LDLRAD4: variants seen among roughly 807,000 people sequenced by gnomAD.
LDLRAD4 encodes the protein low-density lipoprotein receptor class A domain-containing protein 4.
A neutral mutation model predicts 17.0 loss-of-function variants in LDLRAD4; 5 were observed. The ratio of observed to expected loss-of-function variants is 0.29; its 90% CI spans 0.15 to 0.62. The LOEUF is 0.62. Ranked by LOEUF, LDLRAD4 falls within the 20% of genes least tolerant of loss-of-function variation. LDLRAD4 has a pLI of 0.84. For missense variants in LDLRAD4, 340 were observed against 424.7 expected (o/e 0.80, Z 1.75); for synonymous variants, 168 against 171.8 (o/e 0.98, Z 0.17).
intron 1 of LDLRAD4, among the ~76,000 whole-genome samples, chr18:13,373,026 G>A (rs934624759): frequency 3.9e-5 from 6 of 152,182 alleles, no homozygotes; most frequent in African/African-American, 7.2e-5. Flanking sequence ...CTAGGGTCTC[G>A]CAGACTAACA....
At position 13,597,345 on chromosome 18, in the gene LDLRAD4, G is replaced by C. The variant is rs58668503; in HGVS notation, c.182-23772G>C. Reference sequence around the variant, plus strand: ...TCATTTGTCTGTTACTATTTTCCTTGGTTTGGCTGTCAGCATTTTTACCAT... The same window carrying C: ...TCATTTGTCTGTTACTATTTTCCTTCGTTTGGCTGTCAGCATTTTTACCAT... On this transcript the variant is annotated intron_variant, in intron 3 of 5. Transcript: ENST00000359446. Among the ~76,000 whole-genome samples the C allele has an allele frequency of 1.5e-3, 228 of 152,128 alleles. 6 individuals carry two copies. In the East Asian group the frequency reaches 0.024, roughly 16 times the overall value.
intron 3 of LDLRAD4, among the ~76,000 whole-genome samples, chr18:13,438,840 T>C (rs539876164): frequency 6.6e-6 from 1 of 152,308 alleles, no homozygotes; most frequent in African/African-American, 2.4e-5. Flanking sequence ...GGAAACAGCT[T>C]GAGTGAGGTT....
At chr18:13,468,623 G>T (rs1016549174) in intron 3 of LDLRAD4, among the ~76,000 whole-genome samples, 1 of 152,042 alleles carries the variant, frequency 6.6e-6, no homozygotes. Flanking sequence ...ACGATAGACT[G>T]GATTAAGAAA....
intron 3 of LDLRAD4, among the ~76,000 whole-genome samples, chr18:13,525,874 G>A (rs2094023397): frequency 6.6e-6 from 1 of 152,202 alleles, no homozygotes; most frequent in Non-Finnish European, 1.5e-5. Flanking sequence ...GTACCCCAGC[G>A]GGGCCTCACC....
intron 1 of LDLRAD4, among the ~76,000 whole-genome samples, chr18:13,291,869 A>T (rs1179281662): frequency 6.6e-6 from 1 of 152,184 alleles, no homozygotes; most frequent in African/African-American, 2.4e-5. Context: ...AGGTCCCAGC[A>T]TGGGGCGTTT....
intron 3 of LDLRAD4, among the ~76,000 whole-genome samples, chr18:13,603,793 A>G (rs2095191404): frequency 1.3e-5 from 2 of 152,218 alleles, no homozygotes; most frequent in Non-Finnish European, 2.9e-5. Context: ...CACAGGCCTC[A>G]CGACCCCGCT....
chr18:13,647,869 C>G (rs1386823828), exon 6 of LDLRAD4: 2 of 152,210 alleles, frequency 1.3e-5, no homozygotes, highest in East Asian at 3.9e-4. Context: ...TGGAGAGACA[C>G]CAGCTCTCAG....
Position 13,356,148 on chromosome 18 carries a change from C to T in LDLRAD4, c.-382-31193C>T, listed in dbSNP as rs369952669. On this transcript the variant is annotated intron_variant, in intron 1 of 5. Coordinates refer to ENST00000359446, the Ensembl canonical transcript of LDLRAD4. ...GAATTGCTCTATTGATTTGGTCCCA[C>T]TTTGAGAAATACCCAGTATTAGGCA... Among the ~76,000 whole-genome samples, 4 of 152,362 alleles carry T rather than the reference C, an allele frequency of 2.6e-5. No individual in the cohort carries two copies. In the East Asian group the frequency reaches 5.8e-4, roughly 22 times the overall value.
At chr18:13,611,529 A>G (rs779645520) in intron 3 of LDLRAD4, 10 of 985,120 alleles carry the variant, frequency 1.0e-5, no homozygotes, top group African/African-American at 3.5e-5. Context: ...AACTGTTTAG[A>G]CCTCGGGGAA....
chr18:13,295,472 G>T (rs528213543), intron 1 of LDLRAD4, among the ~76,000 whole-genome samples: 1 of 152,324 alleles, frequency 6.6e-6, no homozygotes, highest in African/African-American at 2.4e-5. Flanking sequence ...TCCCTGCAAA[G>T]TCAGCTGCAT....
intron 3 of LDLRAD4, among the ~76,000 whole-genome samples, chr18:13,454,755 T>TCAGA (rs58612674): frequency 0.3 from 45,573 of 152,008 alleles, 7,097 homozygotes; most frequent in East Asian, 0.55. Flanking sequence ...GTCCAGAAGG[T>TCAGA]GCTGGAGGGC....
chr18:13,547,962 A>G (rs538372805), intron 3 of LDLRAD4, among the ~76,000 whole-genome samples: 22 of 152,260 alleles, frequency 1.4e-4, no homozygotes, highest in African/African-American at 5.1e-4. Flanking sequence ...CTGCATCCAG[A>G]AGAACGAGGT....
exon 6 of LDLRAD4, chr18:13,647,493 G>A (rs1568457225): frequency 6.6e-6 from 1 of 152,238 alleles, no homozygotes; most frequent in African/African-American, 2.4e-5. Context: ...GTGTGTGTTT[G>A]TGTCTGTCTG....
intron 4 of LDLRAD4, among the ~76,000 whole-genome samples, chr18:13,627,578 G>T (rs2041289785): frequency 6.6e-6 from 1 of 152,252 alleles, no homozygotes. Context: ...CCAGAAAAAT[G>T]GGTGAGAAGG....
At chr18:13,642,525 A>G in intron 4 of LDLRAD4, 1 of 1,227,406 alleles carries the variant, frequency 8.1e-7, no homozygotes, top group Non-Finnish European at 1.0e-6. Flanking sequence ...GTGAAGTTGC[A>G]TCTGCCCTGT....
chr18:13,494,870 T>A (rs1276885404), intron 3 of LDLRAD4, among the ~76,000 whole-genome samples: 1 of 150,952 alleles, frequency 6.6e-6, no homozygotes, highest in East Asian at 2.0e-4. Context: ...TCTTCCTATA[T>A]GTGTGGTCCT....
chr18:13,580,065 G>A (rs372537557), intron 3 of LDLRAD4, among the ~76,000 whole-genome samples: 1 of 152,192 alleles, frequency 6.6e-6, no homozygotes, highest in African/African-American at 2.4e-5. Flanking sequence ...CTCATGGTCT[G>A]TGCTCATCAA....
chr18:13,405,602 A>ATTTT (rs540287028), intron 2 of LDLRAD4, among the ~76,000 whole-genome samples: 2 of 135,078 alleles, frequency 1.5e-5, no homozygotes, highest in Non-Finnish European at 1.6e-5. Flanking sequence ...GGCTAATTAA[A>ATTTT]TTTTTTTTTT....
intron 1 of LDLRAD4, among the ~76,000 whole-genome samples, chr18:13,376,745 T>C (rs901650122): frequency 1.3e-5 from 2 of 152,208 alleles, no homozygotes; most frequent in Admixed American, 1.3e-4. Context: ...TCTTTACCGC[T>C]GCCTGGGCTG....
Sources: gnomAD v4.1 joint callset for allele counts (sites outside exome capture counted in the v4.1 genomes callset) on GRCh38, gnomAD v4.1.1 for gene constraint, MANE v1.5 for transcripts, NCBI Gene and HGNC (gene_info 2026-07-23, HGNC 2026-07-21) for gene names.